The following LINGO2 variants were observed in gnomAD, a reference collection of about 807,000 sequenced individuals.
The protein encoded by LINGO2 is leucine rich repeat and Ig domain containing 2.
Under a neutral mutation model 30.6 loss-of-function variants are expected in LINGO2, and 14 were observed. That is an observed-to-expected ratio of 0.46 (90% confidence interval 0.30 to 0.72). The LOEUF is 0.72. LINGO2 is among the 30% of genes least tolerant of loss of function. LINGO2 has a pLI of 0.07. For missense variants in LINGO2, 729 were observed against 751.7 expected, an observed-to-expected ratio of 0.97 and a Z score of 0.35; for synonymous variants, 317 against 288.5, an observed-to-expected ratio of 1.10 and a Z score of -1.00.
intron 4 of LINGO2, among the ~76,000 whole-genome samples, chr9:28,199,819 T>C (rs979420659): frequency 6.6e-6 from 1 of 152,282 alleles, no homozygotes; most frequent in Non-Finnish European, 1.5e-5. Context: ...ATATAATACA[T>C]GACCAATACA....
the LINGO2 span, among the ~76,000 whole-genome samples, chr9:29,160,297 G>A: frequency 6.6e-6 from 1 of 152,206 alleles, no homozygotes; most frequent in Non-Finnish European, 1.5e-5. Flanking sequence ...AGCATAACTA[G>A]TTAAGGTTGT....
chr9:28,378,917 T>G (rs1381195651), intron 2 of LINGO2, among the ~76,000 whole-genome samples: 4 of 152,066 alleles, frequency 2.6e-5, no homozygotes, highest in African/African-American at 9.7e-5. Flanking sequence ...AGATTTCCTA[T>G]AGCTGAGTGA....
chr9:28,881,344 G>A, the LINGO2 span, among the ~76,000 whole-genome samples: 2 of 151,928 alleles, frequency 1.3e-5, no homozygotes, highest in African/African-American at 2.4e-5. Context: ...GGCTGGTCTC[G>A]AACCCCTGAC....
the LINGO2 span, among the ~76,000 whole-genome samples, chr9:28,868,002 GA>G: frequency 2.9e-4 from 44 of 152,098 alleles, no homozygotes; most frequent in African/African-American, 1.0e-3. Flanking sequence ...GTTTACTTAA[GA>G]CAAAGTTTTC....
the LINGO2 span, among the ~76,000 whole-genome samples, chr9:29,046,009 T>C: frequency 1.3e-5 from 2 of 152,166 alleles, no homozygotes; most frequent in Non-Finnish European, 2.9e-5. Flanking sequence ...TTGCTGAAGT[T>C]GTTTATCAGC....
chr9:28,557,392 A>G (rs1341556725), intron 1 of LINGO2, among the ~76,000 whole-genome samples: 2 of 152,186 alleles, frequency 1.3e-5, no homozygotes, highest in Non-Finnish European at 2.9e-5. Context: ...AGACACATGA[A>G]AAAATGCTCA....
chr9:29,134,821 A>G, the LINGO2 span, among the ~76,000 whole-genome samples: 2 of 152,064 alleles, frequency 1.3e-5, no homozygotes, highest in Non-Finnish European at 2.9e-5. Flanking sequence ...TCATATATAT[A>G]TCCTTGAACT....
At chr9:28,649,703 A>C (rs1022795121) in intron 1 of LINGO2, among the ~76,000 whole-genome samples, 1 of 152,156 alleles carries the variant, frequency 6.6e-6, no homozygotes, top group Non-Finnish European at 1.5e-5. Context: ...TGTGGGAAAA[A>C]AATTGTAAAA....
chr9:29,057,399 A>G, the LINGO2 span, among the ~76,000 whole-genome samples: 1 of 152,198 alleles, frequency 6.6e-6, no homozygotes, highest in Non-Finnish European at 1.5e-5. Context: ...AAAATAGGCA[A>G]TCATTTATAA....
chr9:28,335,635 T>A (rs915119372), intron 3 of LINGO2, among the ~76,000 whole-genome samples: 3 of 152,172 alleles, frequency 2.0e-5, no homozygotes, highest in Non-Finnish European at 4.4e-5. Flanking sequence ...AGGACTTTTT[T>A]AAGATTATAG....
the LINGO2 span, among the ~76,000 whole-genome samples, chr9:29,033,266 G>T: frequency 6.6e-6 from 1 of 151,772 alleles, no homozygotes; most frequent in African/African-American, 2.4e-5. Context: ...ATGGAGTACT[G>T]AAGTCTCACC....
intron 4 of LINGO2, among the ~76,000 whole-genome samples, chr9:28,107,456 A>G (rs1380627996): frequency 6.6e-6 from 1 of 152,094 alleles, no homozygotes; most frequent in Non-Finnish European, 1.5e-5. Flanking sequence ...TTAATCTATA[A>G]ATCATTGAGT....
intron 1 of LINGO2, among the ~76,000 whole-genome samples, chr9:28,504,762 G>T (rs1424066527): frequency 1.3e-5 from 2 of 151,790 alleles, no homozygotes; most frequent in Admixed American, 6.6e-5. Flanking sequence ...CCCTAAATCA[G>T]CTTATAAGTT....
At chr9:28,345,159 G>T (rs2134408865) in intron 3 of LINGO2, among the ~76,000 whole-genome samples, 1 of 152,018 alleles carries the variant, frequency 6.6e-6, no homozygotes, top group East Asian at 1.9e-4. Flanking sequence ...CTTCCATTCT[G>T]ATTCTAAGGT....
the LINGO2 span, among the ~76,000 whole-genome samples, chr9:29,071,260 T>C: frequency 1.3e-5 from 2 of 150,562 alleles, no homozygotes; most frequent in African/African-American, 4.9e-5. Context: ...GGCATGATCA[T>C]GGCTCACTGC....
At chr9:28,599,934 A>G (rs1224541300) in intron 1 of LINGO2, among the ~76,000 whole-genome samples, 3 of 152,194 alleles carry the variant, frequency 2.0e-5, no homozygotes, top group Non-Finnish European at 4.4e-5. Context: ...GAATTGAAAC[A>G]TACCAGCATA....
the LINGO2 span, among the ~76,000 whole-genome samples, chr9:28,741,807 C>T: frequency 1.3e-3 from 203 of 151,610 alleles, no homozygotes; most frequent in Non-Finnish European, 1.9e-3. Context: ...CGTGTGCTGC[C>T]CTGATGAGTA....
chr9:28,550,584 G>C (rs1402847770), intron 1 of LINGO2, among the ~76,000 whole-genome samples: 1 of 151,500 alleles, frequency 6.6e-6, no homozygotes, highest in African/African-American at 2.4e-5. Flanking sequence ...TCTCCTATTT[G>C]CTACATCAAC....
At chr9:28,189,859 G>A (rs2133769162) in intron 4 of LINGO2, among the ~76,000 whole-genome samples, 1 of 152,192 alleles carries the variant, frequency 6.6e-6, no homozygotes, top group East Asian at 1.9e-4. Context: ...ACATGTGCGT[G>A]TGCAAACATG....
Sources: allele counts gnomAD v4.1 joint callset (sites outside exome capture counted in the v4.1 genomes callset), GRCh38; gene constraint gnomAD v4.1.1; transcripts MANE v1.5; gene names NCBI Gene and HGNC (gene_info 2026-07-23, HGNC 2026-07-21).